CALCRL: variants seen among roughly 807,000 people sequenced by gnomAD.
The protein encoded by CALCRL is calcitonin receptor like receptor, also known as calcitonin gene-related peptide type 1 receptor.
CALCRL carries 27 observed loss-of-function variants against 60.4 expected under a neutral mutation model. That is an observed-to-expected ratio of 0.45 (90% CI 0.33 to 0.62). The LOEUF (loss-of-function observed/expected upper bound fraction) is 0.62, where lower values mean the gene tolerates loss of function less well. CALCRL is among the 20% of genes least tolerant of loss of function. The probability of loss-of-function intolerance (pLI) is 0.03; values close to 1 mark genes in which losing one functional copy is unlikely to be tolerated. For synonymous variants in CALCRL, 190 were observed against 182.6 expected (o/e 1.04, Z -0.33); for missense variants, 424 against 540.7 (o/e 0.78, Z 2.14).
At chr2:187,414,367 T>A (rs1033587303) in intron 1 of CALCRL, among the ~76,000 whole-genome samples, 4 of 152,086 alleles carry the variant, frequency 2.6e-5, no homozygotes, top group African/African-American at 9.7e-5. Context: ...CATTCTTAAT[T>A]ATAAAAATAA....
intron 8 of CALCRL, among the ~76,000 whole-genome samples, chr2:187,375,880 T>C (rs189009798): frequency 2.0e-5 from 3 of 152,320 alleles, no homozygotes; most frequent in Admixed American, 2.0e-4. Flanking sequence ...GAACAGTATT[T>C]GTTCTTGAAT....
At chr2:187,372,386 C>G (rs1021817022) in intron 8 of CALCRL, among the ~76,000 whole-genome samples, 1 of 151,804 alleles carries the variant, frequency 6.6e-6, no homozygotes, top group Non-Finnish European at 1.5e-5. Flanking sequence ...GAGTCATTGC[C>G]TCTCAGGGCT....
chr2:187,410,515 G>C (rs1689312232), intron 1 of CALCRL, among the ~76,000 whole-genome samples: 1 of 152,220 alleles, frequency 6.6e-6, no homozygotes, highest in Non-Finnish European at 1.5e-5. Flanking sequence ...TGAAGCACTG[G>C]CTGTTGAGAG....
chr2:187,440,211 A>G (rs1690826360), intron 1 of CALCRL, among the ~76,000 whole-genome samples: 2 of 152,200 alleles, frequency 1.3e-5, no homozygotes, highest in South Asian at 4.1e-4. Flanking sequence ...TAAAATGTCC[A>G]GACGAAAAAA....
At chr2:187,441,402 A>C (rs567254235) in intron 1 of CALCRL, among the ~76,000 whole-genome samples, 43 of 152,146 alleles carry the variant, frequency 2.8e-4, no homozygotes, top group African/African-American at 9.6e-4. Flanking sequence ...AAGATGAAAA[A>C]TAGAGTGGCA....
intron 1 of CALCRL, among the ~76,000 whole-genome samples, chr2:187,417,355 G>T (rs888843740): frequency 6.6e-6 from 1 of 151,978 alleles, no homozygotes; most frequent in Non-Finnish European, 1.5e-5. Flanking sequence ...ACCCAGAAAA[G>T]CTACTTTTGG....
At chr2:187,360,575 C>A in intron 10 of CALCRL, 23 bp downstream of exon 10, 1 of 1,579,250 alleles carries the variant, frequency 6.3e-7, no homozygotes, top group Non-Finnish European at 8.6e-7. Flanking sequence ...ACTGAATCAA[C>A]AAGTATGTAT....
intron 1 of CALCRL, among the ~76,000 whole-genome samples, chr2:187,401,399 A>G (rs1201549325): frequency 6.6e-6 from 1 of 151,684 alleles, no homozygotes; most frequent in Non-Finnish European, 1.5e-5. Context: ...ACATTATTTC[A>G]TATTCAACAA....
chr2:187,423,431 AT>A (rs1277124646), intron 1 of CALCRL, among the ~76,000 whole-genome samples: 2 of 151,910 alleles, frequency 1.3e-5, no homozygotes, highest in African/African-American at 4.8e-5. Context: ...AATATGTAGA[AT>A]CTGAGATGTT....
chr2:187,436,464 C>T (rs1690649880), intron 1 of CALCRL: 2 of 152,158 alleles, frequency 1.3e-5, no homozygotes, highest in South Asian at 2.1e-4. Context: ...GTAATTATCT[C>T]GACCAATTGG....
intron 10 of CALCRL, among the ~76,000 whole-genome samples, chr2:187,360,252 G>A (rs545895188): frequency 5.3e-5 from 8 of 152,028 alleles, no homozygotes; most frequent in East Asian, 1.9e-4. Context: ...CATTTTACAC[G>A]TGGCAAAAAT....
chr2:187,440,720 G>A (rs926078960), intron 1 of CALCRL, among the ~76,000 whole-genome samples: 1 of 151,966 alleles, frequency 6.6e-6, no homozygotes, highest in Non-Finnish European at 1.5e-5. Context: ...TAATTTTGGT[G>A]TGTATTTACT....
intron 1 of CALCRL, among the ~76,000 whole-genome samples, chr2:187,401,427 A>G (rs1196906414): frequency 6.6e-6 from 1 of 151,634 alleles, no homozygotes; most frequent in Non-Finnish European, 1.5e-5. Flanking sequence ...ATTCTATTTT[A>G]TATATATAGA....
chr2:187,412,259 C>T (rs1382881649), intron 1 of CALCRL, among the ~76,000 whole-genome samples: 4 of 152,056 alleles, frequency 2.6e-5, no homozygotes, highest in African/African-American at 4.8e-5. Context: ...ATAGCTTGAA[C>T]GGGTGTCATT....
rs549916204 is a variant in CALCRL at position 187,376,077 on chromosome 2, T to C, written c.500+2863A>G. On this transcript the variant is annotated intron_variant, in intron 8 of 14. Coordinates refer to ENST00000392370, the MANE Select transcript of CALCRL (RefSeq NM_005795.6). ...AGATAACTCTTTCATTCTAATCCTCTTTATTCAAGTACTGTTTCATTCATA... is the reference window on the plus strand; with the variant it reads ...AGATAACTCTTTCATTCTAATCCTCCTTATTCAAGTACTGTTTCATTCATA... Among the ~76,000 whole-genome samples, 7 of 152,292 alleles carry C rather than the reference T, an allele frequency of 4.6e-5. 1 individual carries two copies. Among genetic ancestry groups the C allele is most frequent in the Middle Eastern group, 3.4e-3 (1 of 294 alleles).
intron 8 of CALCRL, among the ~76,000 whole-genome samples, chr2:187,371,774 G>A (rs1173248130): frequency 2.0e-5 from 3 of 151,838 alleles, no homozygotes; most frequent in Non-Finnish European, 4.4e-5. Flanking sequence ...ACAATTTTCA[G>A]AGAAAAGTTA....
intron 14 of CALCRL, among the ~76,000 whole-genome samples, chr2:187,350,697 T>C (rs2105693833): frequency 6.6e-6 from 1 of 151,800 alleles, no homozygotes; most frequent in South Asian, 2.1e-4. Context: ...CAAGCGCAAA[T>C]AACATGTTAT....
rs959124617 is a variant in CALCRL at position 187,345,922 on chromosome 2, C to T, written c.*262G>A. ...TTGATTGTGCTTTTCTCCAATTCCA[C>T]ACTTGGTGATGTCAGGTTAGTAGCG... On this transcript the variant is annotated 3_prime_UTR_variant, in exon 15 of 15. Transcript: ENST00000392370. 1.0e-5 allele frequency: 3 copies of T among 293,920 alleles called. No homozygotes were observed. The highest frequency in any genetic ancestry group is 6.6e-5 in the East Asian group (1 of 15,202). 18.2% of individuals were successfully genotyped at this position (293,920 alleles called of 1,614,324 possible). A position where few individuals can be genotyped will look rare whatever the true frequency, so the allele number is the denominator to read the frequency against.
intron 8 of CALCRL, among the ~76,000 whole-genome samples, chr2:187,376,089 C>G (rs1176973360): frequency 6.6e-6 from 1 of 152,098 alleles, no homozygotes; most frequent in Admixed American, 6.5e-5. Flanking sequence ...TATTCAAGTA[C>G]TGTTTCATTC....
Sources: allele counts gnomAD v4.1 joint callset (sites outside exome capture counted in the v4.1 genomes callset), GRCh38; gene constraint gnomAD v4.1.1; transcripts MANE v1.5; gene names NCBI Gene and HGNC (gene_info 2026-07-23, HGNC 2026-07-21).